The following SEPTIN2 variants were observed in gnomAD, a reference collection of about 807,000 sequenced individuals.
SEPTIN2 encodes the protein septin 2, also known as septin-2.
Under a neutral mutation model 46.5 loss-of-function variants are expected in SEPTIN2, and 34 were observed. That is an observed-to-expected ratio of 0.73 (90% confidence interval 0.56 to 0.97). The LOEUF is 0.97. Among genes scored for constraint, SEPTIN2 ranks in the 50% least tolerant of loss-of-function variants. SEPTIN2 has a pLI of 0.00. For missense variants in SEPTIN2, 347 were observed against 448.4 expected (o/e 0.77, Z 2.04); for synonymous variants, 175 against 153.4 (o/e 1.14, Z -1.04).
intron 7 of SEPTIN2, among the ~76,000 whole-genome samples, chr2:241,342,777 C>G (rs180837280): frequency 7.2e-5 from 11 of 152,132 alleles, no homozygotes; most frequent in Non-Finnish European, 1.3e-4. Flanking sequence ...ACCTTGTGAT[C>G]CACCTGCCTC....
intron 3 of SEPTIN2, among the ~76,000 whole-genome samples, chr2:241,328,876 C>G (rs556690492): frequency 6.7e-6 from 1 of 148,814 alleles, no homozygotes; most frequent in African/African-American, 2.5e-5. Flanking sequence ...CAAAATTAGC[C>G]GGGCATGGTG....
intron 7 of SEPTIN2, among the ~76,000 whole-genome samples, chr2:241,341,143 C>T (rs919402958): frequency 1.3e-5 from 2 of 152,174 alleles, no homozygotes; most frequent in African/African-American, 4.8e-5. Context: ...CCCTGAAGGT[C>T]AGTATTCCTT....
In SEPTIN2 at chr2:241,331,186, AC is replaced by A. The variant is rs548087601; in HGVS notation, c.131-3939del. Among the ~76,000 whole-genome samples, 12 of 152,350 alleles carry A rather than the reference AC, an allele frequency of 7.9e-5. No individual in the cohort carries two copies. In the South Asian group the frequency reaches 2.3e-3, roughly 29 times the overall value. On this transcript the variant is annotated intron_variant, in intron 3 of 12. Transcript: ENST00000391971. ...AGAGCGAGACTCCGTCTCAAAAAAA[AC>A]AAAAGAAAAAAATCACAAACAAGAG... is the stretch of plus-strand genomic sequence containing the variant.
chr2:241,342,562 A>T, intron 7 of SEPTIN2, among the ~76,000 whole-genome samples: 1 of 101,012 alleles, frequency 9.9e-6, no homozygotes, highest in African/African-American at 3.7e-5. Flanking sequence ...TTTTTTTGAG[A>T]CGGAGTCTTG....
intron 9 of SEPTIN2, among the ~76,000 whole-genome samples, chr2:241,344,456 T>C (rs2081706782): frequency 6.6e-6 from 1 of 152,184 alleles, no homozygotes; most frequent in Non-Finnish European, 1.5e-5. Flanking sequence ...CCCAGCACTT[T>C]GGGAGGCTGA....
In SEPTIN2 at chr2:241,319,985, C is replaced by T. The variant is rs566427877; in HGVS notation, c.-18+4003C>T. ...AATGCATGATTTTTTTTCCCCTATA[C>T]TGTGTTGTTGGATTAATATTGGTAG... On this transcript the variant is annotated intron_variant, in intron 1 of 12. Transcript: ENST00000391971. Among the ~76,000 whole-genome samples, 475 of 152,214 alleles carry T rather than the reference C, an allele frequency of 3.1e-3. 1 individual carries two copies. Among genetic ancestry groups the T allele is most frequent in the Non-Finnish European group, 5.7e-3 (389 of 68,002 alleles).
chr2:241,348,884 G>A (rs952724883), intron 11 of SEPTIN2, among the ~76,000 whole-genome samples: 1 of 152,138 alleles, frequency 6.6e-6, no homozygotes, highest in Non-Finnish European at 1.5e-5. Context: ...TAATGGGCTA[G>A]CCTTTTGGAA....
intron 1 of SEPTIN2, among the ~76,000 whole-genome samples, chr2:241,321,466 A>C (rs576648963): frequency 9.2e-5 from 14 of 151,990 alleles, no homozygotes; most frequent in African/African-American, 3.4e-4. Flanking sequence ...TCTCTCCTCC[A>C]TGTTTGCACT....
chr2:241,343,512 T>A lies in SEPTIN2; in HGVS notation c.697-240T>A, dbSNP rs996716549. ...GACTCTGTCTCAAAAAAAAAAAAAA[T>A]TTGATACAGCTATCACCTAAAGCTT... is the stretch of plus-strand genomic sequence containing the variant. On this transcript the variant is annotated intron_variant, in intron 8 of 12. Coordinates refer to ENST00000391971, the MANE Select transcript of SEPTIN2 (RefSeq NM_004404.5). 2.8e-4 allele frequency among the ~76,000 whole-genome samples: 43 copies of A among 151,994 alleles called. 1 individual carries two copies. The East Asian group carries it at 4.6e-3, about 16-fold the overall frequency.
chr2:241,325,918 C>T, intron 2 of SEPTIN2, 75 bp from the exon 3 acceptor site: 2 of 1,391,484 alleles, frequency 1.4e-6, no homozygotes, highest in Non-Finnish European at 9.8e-7. Context: ...ATGTTTGTTT[C>T]ATGTCTAACT....
intron 12 of SEPTIN2, chr2:241,351,500 G>A (rs1177223584): frequency 1.3e-5 from 2 of 152,064 alleles, no homozygotes; most frequent in African/African-American, 2.4e-5. Context: ...AATTGTTGCC[G>A]CTCCGAGAGT....
rs1575099734 is a variant in SEPTIN2 at position 241,316,729 on chromosome 2, G to C, written c.-18+747G>C. The C allele has an allele frequency of 8.9e-5, 41 of 462,082 alleles. No homozygotes were observed. The East Asian group carries it at 1.4e-3, about 16-fold the overall frequency. The allele number at this position is 462,082 out of a possible 1,614,324, so 28.6% of individuals were successfully genotyped here. A position where few individuals can be genotyped will look rare whatever the true frequency, so the allele number is the denominator to read the frequency against. On this transcript the variant is annotated intron_variant, in intron 1 of 12. Transcript: ENST00000391971. ...TACCTTTTCGGTCTAATTCTTGTCA[G>C]TGCCACCAGACCTTGTCCTCTCTCC...
chr2:241,322,614 AAAAAG>A (rs756885298), intron 1 of SEPTIN2, among the ~76,000 whole-genome samples: 21 of 152,202 alleles, frequency 1.4e-4, no homozygotes, highest in Non-Finnish European at 2.5e-4. Context: ...TCAAAAAAAA[AAAAAG>A]AAAAGAGAAA....
intron 11 of SEPTIN2, 34 bp from the exon 12 acceptor site, chr2:241,350,039 C>G: frequency 6.3e-7 from 1 of 1,599,448 alleles, no homozygotes; most frequent in Non-Finnish European, 8.5e-7. Context: ...GACAGCAAAC[C>G]TTGAAAACCT....
intron 4 of SEPTIN2, 165 bp downstream of exon 4, chr2:241,335,377 G>A (rs1310956219): frequency 1.3e-6 from 2 of 1,551,656 alleles, no homozygotes; most frequent in East Asian, 4.9e-5. Flanking sequence ...CGAGGTCCTT[G>A]GATTTGGGTT....
chr2:241,338,468 G>A (rs748019945), intron 7 of SEPTIN2, among the ~76,000 whole-genome samples: 4 of 150,522 alleles, frequency 2.7e-5, no homozygotes, highest in South Asian at 2.1e-4. Flanking sequence ...CGATCTGTGC[G>A]TGTAATCACA....
At chr2:241,342,534 A>ATTTTTTT (rs548033372) in intron 7 of SEPTIN2, among the ~76,000 whole-genome samples, 23 of 87,006 alleles carry the variant, frequency 2.6e-4, no homozygotes, top group Admixed American at 3.5e-4. Flanking sequence ...AGTTTTGTAA[A>ATTTTTTT]TTTTTTTTTT....
At chr2:241,324,132 A>C (rs2077554998) in intron 1 of SEPTIN2, 84 bp from the exon 2 acceptor site, 8 of 1,255,132 alleles carry the variant, frequency 6.4e-6, no homozygotes, top group Non-Finnish European at 9.1e-6. Context: ...TCTTCAGGTC[A>C]GTTCACGCTG....
chr2:241,331,715 TAAC>T (rs1455495402), intron 3 of SEPTIN2, among the ~76,000 whole-genome samples: 23 of 152,312 alleles, frequency 1.5e-4, no homozygotes, highest in African/African-American at 5.5e-4. Flanking sequence ...AAATAAAAAT[TAAC>T]AAGCTGATTC....
Sources: allele counts gnomAD v4.1 joint callset (sites outside exome capture counted in the v4.1 genomes callset), GRCh38; gene constraint gnomAD v4.1.1; transcripts MANE v1.5; gene names NCBI Gene and HGNC (gene_info 2026-07-23, HGNC 2026-07-21).